DNAAF11: variants seen among roughly 807,000 people sequenced by gnomAD.
The protein encoded by DNAAF11 is dynein axonemal assembly factor 11, also known as leucine rich repeat containing 6.
In DNAAF11, 45 loss-of-function variants were observed where a neutral mutation model predicts 60.8. The observed-to-expected ratio is 0.74, with a 90% CI of 0.58 to 0.95. The LOEUF is 0.95. Among genes scored for constraint, DNAAF11 ranks in the 40% least tolerant of loss-of-function variants. The pLI, the probability that DNAAF11 is intolerant of heterozygous loss-of-function variation, is 0.00. For missense variants in DNAAF11, 546 were observed against 546.2 expected (o/e 1.00, Z 0.00); for synonymous variants, 191 against 183.5 (o/e 1.04, Z -0.33).
At chr8:132,655,948 G>C (rs1019082639) in intron 3 of DNAAF11, among the ~76,000 whole-genome samples, 2 of 152,120 alleles carry the variant, frequency 1.3e-5, no homozygotes, top group Non-Finnish European at 2.9e-5. Flanking sequence ...GAACAACTTG[G>C]CAGTATCTTT....
chr8:132,664,717 G>A (rs1003742993), intron 1 of DNAAF11, among the ~76,000 whole-genome samples: 3 of 148,532 alleles, frequency 2.0e-5, no homozygotes, highest in Admixed American at 6.8e-5. Context: ...CACCCACCTT[G>A]GCTTCCCAAA....
upstream of DNAAF11, chr8:132,675,586 C>T (rs1825723864): frequency 3.7e-6 from 5 of 1,338,920 alleles, no homozygotes; most frequent in South Asian, 1.6e-5. Context: ...GCGTCCCCGT[C>T]GGAATTCAGG....
rs1815570070 is a variant in DNAAF11 at position 132,583,684 on chromosome 8, A to T, written c.1226+10T>A. 1.9e-6 allele frequency: 3 copies of T among 1,608,886 alleles called. No individual in the cohort carries two copies. Among genetic ancestry groups the T allele is most frequent in the Non-Finnish European group, 2.6e-6 (3 of 1,175,466 alleles). ...ATAATACAGCTAAGGACAGTCTGGG[A>T]GGGTGGTACCTTGTATTTGTTTGTT... On this transcript the variant is annotated intron_variant, in intron 11 of 11. Coordinates refer to ENST00000620350, the MANE Select transcript of DNAAF11 (RefSeq NM_012472.6).
At chr8:132,670,220 C>T (rs1208038318) in intron 1 of DNAAF11, among the ~76,000 whole-genome samples, 2 of 151,774 alleles carry the variant, frequency 1.3e-5, no homozygotes, top group Non-Finnish European at 2.9e-5. Context: ...TTAAAGCTGG[C>T]TCTTTAAGAA....
rs1163181532 is a variant in DNAAF11 at position 132,668,318 on chromosome 8, T to C, written c.11-6691A>G. 2.6e-5 allele frequency among the ~76,000 whole-genome samples: 4 copies of C among 152,326 alleles called. No homozygotes were observed. The South Asian group carries it at 8.3e-4, about 32-fold the overall frequency. On this transcript the variant is annotated intron_variant, in intron 1 of 11. Transcript: ENST00000620350. ...GGGACGACTTACTGGAGTGTGCTAC[T>C]GAAAAGCACTAAGTGCTATGGGGCA...
In DNAAF11 at chr8:132,654,106, G is replaced by A. The variant is rs549359507; in HGVS notation, c.256+2724C>T. ...ATACAAATGGTAACCAAAAAGAAAA[G>A]GAGAGAGCTGGAGTGACTATATTAA... On this transcript the variant is annotated intron_variant, in intron 3 of 11. Coordinates refer to ENST00000620350, the MANE Select transcript of DNAAF11 (RefSeq NM_012472.6). Among the ~76,000 whole-genome samples the A allele has an allele frequency of 3.7e-3, 557 of 152,092 alleles. 3 individuals are homozygous for A. The highest frequency in any genetic ancestry group is 0.013 in the African/African-American group (524 of 41,548).
At position 132,656,855 on chromosome 8, in the gene DNAAF11, G is replaced by A; in HGVS notation, c.231C>T (p.Asn77=). 7.3e-7 allele frequency: 1 copy of A among 1,362,032 alleles called. No individual in the cohort carries two copies. Among genetic ancestry groups the A allele is most frequent in the Non-Finnish European group, 1.0e-6 (1 of 970,984 alleles). The allele number at this position is 1,362,032 out of a possible 1,614,324, so 84.4% of individuals were successfully genotyped here. A position where few individuals can be genotyped will look rare whatever the true frequency, so the allele number is the denominator to read the frequency against. ...KLEYLNLALN[N]IEKIENLEGC... is the part of the protein sequence containing the mutation. ...CTTCCAAGTTTTCTATTTTTTCAAT[G>A]TTGTTTAAAGCTAAATTCAAATATT... The change falls in exon 3 of 12, where the codon AAC becomes AAT. Residue 77 remains asparagine, a synonymous_variant. Transcript: ENST00000620350.
In DNAAF11 at chr8:132,583,752, G is replaced by A. The variant is rs1815582943; in HGVS notation, c.1168C>T (p.Arg390Ter). ...KVGEVITGGQ[R>*]AFKSMKTTSD... ...GTAGTTTTCATAGATTTGAATGCTC[G>A]CTGACCACCTGTGATTACTTCTCCT... The change falls in exon 11 of 12, where the codon CGA becomes TGA. Residue 390 changes from arginine to a stop codon, truncating the protein, a stop_gained. Transcript: ENST00000620350. LOFTEE classifies it high-confidence loss of function. 4.3e-6 allele frequency: 7 copies of A among 1,613,530 alleles called. No homozygotes were observed. Among genetic ancestry groups the A allele is most frequent in the Admixed American group, 3.3e-5 (2 of 59,978 alleles).
At chr8:132,687,479 A>T in the DNAAF11 span, 1 of 378,962 alleles carries the variant, frequency 2.6e-6, no homozygotes, top group African/African-American at 2.1e-5. Context: ...ATGCCAGGTG[A>T]CTCTGCCTTC....
intron 8 of DNAAF11, among the ~76,000 whole-genome samples, chr8:132,611,717 C>G (rs1315383743): frequency 1.3e-5 from 2 of 152,120 alleles, no homozygotes. Context: ...TGATTCTACT[C>G]TGCTTGAGGC....
intron 7 of DNAAF11, among the ~76,000 whole-genome samples, chr8:132,619,692 C>T (rs1819561940): frequency 6.6e-6 from 1 of 152,094 alleles, no homozygotes; most frequent in South Asian, 2.1e-4. Flanking sequence ...GGAAGGAAAA[C>T]CAGGGGAAGG....
the DNAAF11 span, among the ~76,000 whole-genome samples, chr8:132,690,403 C>T: frequency 4.6e-5 from 7 of 152,184 alleles, no homozygotes; most frequent in Non-Finnish European, 8.8e-5. Context: ...GTGTCTGCTT[C>T]CCCTTCCACC....
intron 5 of DNAAF11, among the ~76,000 whole-genome samples, chr8:132,630,788 A>G (rs1301087728): frequency 6.6e-6 from 1 of 152,210 alleles, no homozygotes; most frequent in Non-Finnish European, 1.5e-5. Flanking sequence ...CAAATTCACT[A>G]GTAACTACAG....
intron 1 of DNAAF11, among the ~76,000 whole-genome samples, chr8:132,666,550 C>T (rs1185065824): frequency 6.6e-6 from 1 of 152,116 alleles, no homozygotes; most frequent in South Asian, 2.1e-4. Context: ...GAGCTGGATA[C>T]CATGAAGCAT....
At chr8:132,688,516 G>A in the DNAAF11 span, among the ~76,000 whole-genome samples, 12 of 152,224 alleles carry the variant, frequency 7.9e-5, no homozygotes, top group Admixed American at 3.9e-4. Flanking sequence ...TTTGGTTCAC[G>A]GGTGAACACA....
At chr8:132,632,452 C>T (rs986454705) in intron 5 of DNAAF11, among the ~76,000 whole-genome samples, 2 of 152,128 alleles carry the variant, frequency 1.3e-5, no homozygotes, top group African/African-American at 4.8e-5. Flanking sequence ...TCAAAGTACA[C>T]CTGTTAATTC....
intron 10 of DNAAF11, among the ~76,000 whole-genome samples, chr8:132,594,969 G>C (rs1471175662): frequency 1.3e-5 from 2 of 152,016 alleles, no homozygotes; most frequent in Admixed American, 6.6e-5. Context: ...TTTGATAAAT[G>C]GTAGTCTTTC....
intron 4 of DNAAF11, among the ~76,000 whole-genome samples, chr8:132,634,276 T>C (rs1821080811): frequency 6.6e-6 from 1 of 152,178 alleles, no homozygotes; most frequent in South Asian, 2.1e-4. Flanking sequence ...TTTCATGGTC[T>C]TTAAGGAAAA....
chr8:132,581,694 A>G, intron 11 of DNAAF11, among the ~76,000 whole-genome samples: 1 of 151,594 alleles, frequency 6.6e-6, no homozygotes. Flanking sequence ...GAAGAAGAAG[A>G]AGAAGAACAA....
Sources: allele counts gnomAD v4.1 joint callset (sites outside exome capture counted in the v4.1 genomes callset), GRCh38; gene constraint gnomAD v4.1.1; transcripts MANE v1.5; gene names NCBI Gene and HGNC (gene_info 2026-07-23, HGNC 2026-07-21).